The following GNG12 variants were observed in gnomAD, a reference collection of about 807,000 sequenced individuals.
GNG12 encodes guanine nucleotide-binding protein G(I)/G(S)/G(O) subunit gamma-12.
For missense variants in GNG12, 69 were observed against 83.8 expected (o/e 0.82, Z 0.69); for synonymous variants, 28 against 29.7 (o/e 0.94, Z 0.19).
At chr1:67,709,674 C>T (rs565226001) in intron 2 of GNG12, among the ~76,000 whole-genome samples, 1 of 150,710 alleles carries the variant, frequency 6.6e-6, no homozygotes, top group Admixed American at 6.7e-5. Context: ...TGATTCTGCT[C>T]ACACCGAGTG....
rs140252611 is a variant in GNG12 at position 67,761,250 on chromosome 1, G to A, written c.-27+16208C>T. Among the ~76,000 whole-genome samples the A allele has an allele frequency of 4.8e-3, 737 of 152,256 alleles. 6 individuals are homozygous for A. Among genetic ancestry groups the A allele is most frequent in the African/African-American group, 0.017 (691 of 41,534 alleles). On this transcript the variant is annotated intron_variant, in intron 2 of 3. Coordinates refer to ENST00000370982, the MANE Select transcript of GNG12 (RefSeq NM_018841.6). ...TTATTGAATGCTTACTCTGTGCCAC[G>A]CCCTGAATTTCTCAGTTCAGGCAAT...
intron 2 of GNG12, among the ~76,000 whole-genome samples, chr1:67,763,614 C>A (rs950715284): frequency 6.6e-6 from 1 of 151,842 alleles, no homozygotes; most frequent in Non-Finnish European, 1.5e-5. Context: ...AGCTCTACAG[C>A]CTCAAACTCC....
chr1:67,797,464 C>A (rs1646838476), intron 1 of GNG12, among the ~76,000 whole-genome samples: 1 of 152,146 alleles, frequency 6.6e-6, no homozygotes, highest in Middle Eastern at 3.2e-3. Context: ...CACTGAGATT[C>A]AAAGTCAGGC....
chr1:67,726,876 A>G (rs1203261019), intron 2 of GNG12, among the ~76,000 whole-genome samples: 2 of 152,170 alleles, frequency 1.3e-5, no homozygotes, highest in Admixed American at 6.5e-5. Context: ...TAGGATACCC[A>G]CTACCTTTGG....
chr1:67,723,164 A>G (rs375269890), intron 2 of GNG12, among the ~76,000 whole-genome samples: 8 of 152,230 alleles, frequency 5.3e-5, no homozygotes, highest in Non-Finnish European at 1.0e-4. Context: ...GTAAGAATGA[A>G]TAAGACTCCA....
intron 2 of GNG12, among the ~76,000 whole-genome samples, chr1:67,757,981 G>GT (rs1204933174): frequency 6.6e-6 from 1 of 151,482 alleles, no homozygotes; most frequent in Non-Finnish European, 1.5e-5. Context: ...TTCCTTTTTT[G>GT]TTTTTTTGAG....
intron 2 of GNG12, among the ~76,000 whole-genome samples, chr1:67,711,134 T>C (rs1646292868): frequency 6.6e-6 from 1 of 152,168 alleles, no homozygotes; most frequent in Admixed American, 6.5e-5. Context: ...AGATAGGTAA[T>C]TTTTACACCT....
At chr1:67,799,515 G>A (rs529541757) in intron 1 of GNG12, among the ~76,000 whole-genome samples, 21 of 152,218 alleles carry the variant, frequency 1.4e-4, no homozygotes, top group Admixed American at 1.3e-3. Context: ...CCACAGTGAC[G>A]TTCATGGATA....
At chr1:67,818,601 G>T (rs937445106) in intron 1 of GNG12, among the ~76,000 whole-genome samples, 3 of 152,020 alleles carry the variant, frequency 2.0e-5, no homozygotes, top group East Asian at 3.9e-4. Context: ...TTATCTAGCT[G>T]CAGATTGCTA....
intron 2 of GNG12, among the ~76,000 whole-genome samples, chr1:67,770,397 C>G (rs140152756): frequency 1.3e-5 from 2 of 152,124 alleles, no homozygotes; most frequent in South Asian, 2.1e-4. Context: ...AGGGAGCTGA[C>G]GCTGGCTAAA....
intron 1 of GNG12, among the ~76,000 whole-genome samples, chr1:67,823,961 T>C (rs936019593): frequency 1.3e-5 from 2 of 152,152 alleles, no homozygotes; most frequent in African/African-American, 4.8e-5. Flanking sequence ...TGTTATTCTG[T>C]GTGTGTGTGA....
chr1:67,792,340 C>T (rs1646806376), intron 1 of GNG12, among the ~76,000 whole-genome samples: 1 of 152,128 alleles, frequency 6.6e-6, no homozygotes, highest in East Asian at 1.9e-4. Flanking sequence ...TCTCAACTGG[C>T]CAGAAATATT....
At chr1:67,712,191 G>A (rs1646299408) in intron 2 of GNG12, among the ~76,000 whole-genome samples, 1 of 152,234 alleles carries the variant, frequency 6.6e-6, no homozygotes, top group Admixed American at 6.5e-5. Context: ...TGGTGAGGAT[G>A]TCTGGCTGTT....
intron 2 of GNG12, among the ~76,000 whole-genome samples, chr1:67,740,037 T>C (rs1646473861): frequency 6.6e-6 from 1 of 152,214 alleles, no homozygotes; most frequent in Non-Finnish European, 1.5e-5. Context: ...CAGGCATGGA[T>C]AAATTACGGC....
intron 1 of GNG12, among the ~76,000 whole-genome samples, chr1:67,828,353 A>G (rs1157236641): frequency 6.6e-6 from 1 of 152,188 alleles, no homozygotes; most frequent in Non-Finnish European, 1.5e-5. Context: ...AACTGACTCC[A>G]TAAAGCCCAC....
intron 2 of GNG12, among the ~76,000 whole-genome samples, chr1:67,759,388 G>A (rs1202614313): frequency 6.6e-6 from 1 of 152,204 alleles, no homozygotes; most frequent in Non-Finnish European, 1.5e-5. Context: ...TGCATCCAAA[G>A]TACTGTGGGA....
intron 2 of GNG12, among the ~76,000 whole-genome samples, chr1:67,734,027 G>C (rs1015901913): frequency 3.3e-5 from 5 of 152,144 alleles, no homozygotes; most frequent in Non-Finnish European, 5.9e-5. Flanking sequence ...CAGCTGCCTT[G>C]CTCAAATGCA....
intron 2 of GNG12, among the ~76,000 whole-genome samples, chr1:67,716,005 C>T (rs1408742568): frequency 6.6e-6 from 1 of 152,112 alleles, no homozygotes; most frequent in Non-Finnish European, 1.5e-5. Context: ...CTTGAACCTG[C>T]GGTCAGCTGC....
At chr1:67,730,951 G>A (rs1646415579) in intron 2 of GNG12, among the ~76,000 whole-genome samples, 1 of 152,084 alleles carries the variant, frequency 6.6e-6, no homozygotes, top group South Asian at 2.1e-4. Context: ...ATTTTCTGGG[G>A]AGAGGCATTC....
Sources: gnomAD v4.1 joint callset for allele counts (sites outside exome capture counted in the v4.1 genomes callset) on GRCh38, gnomAD v4.1.1 for gene constraint, MANE v1.5 for transcripts, NCBI Gene and HGNC (gene_info 2026-07-23, HGNC 2026-07-21) for gene names.